Variants in SLIT2 observed in about 807,000 individuals in gnomAD.
SLIT2 encodes the protein slit homolog 2 protein.
A neutral mutation model predicts 185.7 loss-of-function variants in SLIT2; 41 were observed. The observed-to-expected ratio is 0.22, with a 90% CI of 0.17 to 0.29. SLIT2 has a LOEUF of 0.29. SLIT2 is among the 10% of genes least tolerant of loss of function. The pLI, the probability that SLIT2 is intolerant of heterozygous loss-of-function variation, is 1.00. For synonymous variants in SLIT2, 693 were observed against 680.2 expected (o/e 1.02, Z -0.29); for missense variants, 1,571 against 1,909.0 (o/e 0.82, Z 3.30).
intron 4 of SLIT2, among the ~76,000 whole-genome samples, chr4:20,314,494 A>G (rs889710155): frequency 1.3e-5 from 2 of 152,224 alleles, no homozygotes; most frequent in Admixed American, 6.5e-5. Flanking sequence ...ACTTAATAAA[A>G]CAAAACCTCT....
In SLIT2 at chr4:20,553,701, C is replaced by A. The variant is rs1723981128; in HGVS notation, c.2562-104C>A. ...TTTCTGCTGAGCATCACTTTGAATT[C>A]TTTTGCCCTTAGGAAATAACAATAC... On this transcript the variant is annotated intron_variant, in intron 25 of 36. Coordinates refer to ENST00000504154, the MANE Select transcript of SLIT2 (RefSeq NM_004787.4). 9 of 1,096,984 alleles carry A rather than the reference C, an allele frequency of 8.2e-6. 1 individual carries two copies. The highest frequency in any genetic ancestry group is 6.5e-4 in the Middle Eastern group (2 of 3,090). 68.0% of individuals were successfully genotyped at this position (1,096,984 alleles called of 1,614,324 possible). A position where few individuals can be genotyped will look rare whatever the true frequency, so the allele number is the denominator to read the frequency against.
intron 4 of SLIT2, among the ~76,000 whole-genome samples, chr4:20,314,720 A>G (rs1393000786): frequency 1.3e-5 from 2 of 152,148 alleles, no homozygotes; most frequent in Non-Finnish European, 2.9e-5. Context: ...GACTTTATTT[A>G]AAAAGACAAA....
chr4:20,454,882 G>A (rs1370493665), intron 4 of SLIT2, among the ~76,000 whole-genome samples: 1 of 151,964 alleles, frequency 6.6e-6, no homozygotes, highest in Non-Finnish European at 1.5e-5. Context: ...AAAAGCTGAT[G>A]CAATATTTCA....
chr4:20,438,355 AG>A (rs1416629710), intron 4 of SLIT2, among the ~76,000 whole-genome samples: 1 of 152,216 alleles, frequency 6.6e-6, no homozygotes, highest in Non-Finnish European at 1.5e-5. Context: ...TCATGGCAGA[AG>A]GCAAGGAGGA....
At chr4:20,350,360 A>T (rs1270193810) in intron 4 of SLIT2, among the ~76,000 whole-genome samples, 6 of 151,944 alleles carry the variant, frequency 3.9e-5, no homozygotes, top group Non-Finnish European at 8.8e-5. Flanking sequence ...GTAGTCTGGA[A>T]CCAGTAGATT....
At chr4:20,469,943 T>G (rs1714791720) in intron 5 of SLIT2, among the ~76,000 whole-genome samples, 2 of 151,706 alleles carry the variant, frequency 1.3e-5, no homozygotes, top group African/African-American at 4.8e-5. Flanking sequence ...TTAGTAGAGA[T>G]GGGATTTCAT....
At chr4:20,295,608 T>C (rs1191844955) in intron 4 of SLIT2, among the ~76,000 whole-genome samples, 1 of 152,196 alleles carries the variant, frequency 6.6e-6, no homozygotes, top group East Asian at 1.9e-4. Context: ...CCCTGCGTCA[T>C]GCCCCTGGAA....
intron 4 of SLIT2, among the ~76,000 whole-genome samples, chr4:20,397,071 G>A (rs938722287): frequency 6.6e-6 from 1 of 151,212 alleles, no homozygotes; most frequent in Non-Finnish European, 1.5e-5. Context: ...TTAAATCCTG[G>A]CTTGATGTAT....
At chr4:20,523,062 G>C in intron 12 of SLIT2, among the ~76,000 whole-genome samples, 1 of 152,146 alleles carries the variant, frequency 6.6e-6, no homozygotes, top group East Asian at 1.9e-4. Context: ...TTAAGGAGAG[G>C]GGTGCGGGAG....
chr4:20,336,498 A>G (rs1720509320), intron 4 of SLIT2, among the ~76,000 whole-genome samples: 1 of 152,142 alleles, frequency 6.6e-6, no homozygotes, highest in Non-Finnish European at 1.5e-5. Flanking sequence ...ACTTGGACAC[A>G]GGATGGGAAA....
At chr4:20,412,337 A>G (rs1483709741) in intron 4 of SLIT2, among the ~76,000 whole-genome samples, 1 of 152,212 alleles carries the variant, frequency 6.6e-6, no homozygotes, top group Non-Finnish European at 1.5e-5. Context: ...TATTTGCTAT[A>G]TGATTGATTT....
chr4:20,554,160 C>T, intron 26 of SLIT2, 192 bp downstream of exon 26: 2 of 603,468 alleles, frequency 3.3e-6, no homozygotes, highest in Non-Finnish European at 5.9e-6. Flanking sequence ...TCAAATAAAT[C>T]TCAGAAATAG....
intron 4 of SLIT2, among the ~76,000 whole-genome samples, chr4:20,289,224 A>G (rs1312818834): frequency 6.6e-6 from 1 of 152,080 alleles, no homozygotes; most frequent in Non-Finnish European, 1.5e-5. Context: ...AGCATTTTTA[A>G]TTTTTGTGAA....
At chr4:20,526,690 A>G (rs1343828635) in intron 15 of SLIT2, among the ~76,000 whole-genome samples, 1 of 152,178 alleles carries the variant, frequency 6.6e-6, no homozygotes, top group African/African-American at 2.4e-5. Context: ...GGATTTGGAA[A>G]TTATCTTTTA....
chr4:20,567,410 C>T (rs376812848), intron 27 of SLIT2, 24 bp downstream of exon 27: 706 of 1,612,750 alleles, frequency 4.4e-4, no homozygotes, highest in Non-Finnish European at 5.6e-4. Context: ...CTTTAAGAGT[C>T]ACAGTTTGAG....
At chr4:20,505,409 A>G (rs1252972376) in intron 9 of SLIT2, among the ~76,000 whole-genome samples, 1 of 152,114 alleles carries the variant, frequency 6.6e-6, no homozygotes, top group Non-Finnish European at 1.5e-5. Context: ...GAGGAGGGCT[A>G]TTGAAGATTT....
At chr4:20,317,071 A>T (rs533465448) in intron 4 of SLIT2, among the ~76,000 whole-genome samples, 89 of 151,852 alleles carry the variant, frequency 5.9e-4, no homozygotes, top group African/African-American at 2.1e-3. Flanking sequence ...TGGTTTACTT[A>T]CTAGTTCACA....
chr4:20,444,787 A>G (rs1711584247), intron 4 of SLIT2, among the ~76,000 whole-genome samples: 1 of 151,730 alleles, frequency 6.6e-6, no homozygotes, highest in Admixed American at 6.6e-5. Flanking sequence ...CTCCACCTCT[A>G]CCTCCCACTG....
chr4:20,351,323 A>G (rs1024457083), intron 4 of SLIT2, among the ~76,000 whole-genome samples: 4 of 152,218 alleles, frequency 2.6e-5, no homozygotes, highest in Non-Finnish European at 5.9e-5. Context: ...TGCTGGGATT[A>G]CAGGCATGAG....
Sources: allele counts gnomAD v4.1 joint callset (sites outside exome capture counted in the v4.1 genomes callset), GRCh38; gene constraint gnomAD v4.1.1; transcripts MANE v1.5; gene names NCBI Gene and HGNC (gene_info 2026-07-23, HGNC 2026-07-21).